The following MBP variants were observed in gnomAD, a reference collection of about 807,000 sequenced individuals.
MBP encodes myelin basic protein.
A neutral mutation model predicts 35.8 loss-of-function variants in MBP; 16 were observed. The ratio of observed to expected loss-of-function variants is 0.45; its 90% CI spans 0.30 to 0.68. The LOEUF (loss-of-function observed/expected upper bound fraction) is 0.68, where lower values mean the gene tolerates loss of function less well. MBP is among the 30% of genes least tolerant of loss of function. The pLI, the probability that MBP is intolerant of heterozygous loss-of-function variation, is 0.08. For synonymous variants in MBP, 143 were observed against 159.6 expected (o/e 0.90, Z 0.78); for missense variants, 380 against 404.7 (o/e 0.94, Z 0.52).
chr18:77,120,093 C>T (rs1347596579), intron 1 of MBP, among the ~76,000 whole-genome samples: 1 of 152,208 alleles, frequency 6.6e-6, no homozygotes, highest in African/African-American at 2.4e-5. Context: ...CCGTGCTCAG[C>T]CCACGAAGCA....
intron 3 of MBP, among the ~76,000 whole-genome samples, chr18:77,040,209 C>A (rs1258247925): frequency 6.6e-6 from 1 of 152,116 alleles, no homozygotes; most frequent in Non-Finnish European, 1.5e-5. Flanking sequence ...TGATCAAATA[C>A]AAGTTTGTTT....
intron 2 of MBP, among the ~76,000 whole-genome samples, chr18:77,074,710 A>G (rs953013219): frequency 1.3e-5 from 2 of 152,156 alleles, no homozygotes; most frequent in African/African-American, 4.8e-5. Flanking sequence ...TTCATGGGAA[A>G]TCGATTCCCA....
rs116704659 is a variant in MBP, at chr18:76,986,336, T to A, written c.751-1442A>T. 5,155 of 985,480 alleles carry A rather than the reference T, an allele frequency of 5.2e-3. 194 individuals carry two copies. The African/African-American group carries it at 0.084, about 16-fold the overall frequency. 61.0% of individuals were successfully genotyped at this position (985,480 alleles called of 1,614,324 possible). On this transcript the variant is annotated intron_variant, in intron 7 of 8. Transcript: ENST00000355994. Reference sequence around the variant, plus strand: ...CAGCCTTTCTTCCATTTCATTAAAGTGTTTTAGGACAGGGAGGACCTTGAC... The same window carrying A: ...CAGCCTTTCTTCCATTTCATTAAAGAGTTTTAGGACAGGGAGGACCTTGAC...
At chr18:77,067,865 C>T (rs780482644) in intron 2 of MBP, 1 of 510,176 alleles carries the variant, frequency 2.0e-6, no homozygotes, top group South Asian at 1.4e-5. Context: ...TTAAGACCAC[C>T]CTGAAGTCTG....
At chr18:77,097,084 G>A (rs927656709) in intron 2 of MBP, among the ~76,000 whole-genome samples, 1 of 152,216 alleles carries the variant, frequency 6.6e-6, no homozygotes, top group African/African-American at 2.4e-5. Context: ...CAGAGACCAG[G>A]CCTGTTCTGG....
intron 4 of MBP, chr18:77,006,496 A>C (rs993953414): frequency 2.0e-5 from 3 of 153,538 alleles, no homozygotes; most frequent in Non-Finnish European, 4.3e-5. Flanking sequence ...GCAGCACGGG[A>C]TGGACAGGCA....
At chr18:77,132,314 G>A (rs1395910612) in intron 1 of MBP, among the ~76,000 whole-genome samples, 4 of 152,194 alleles carry the variant, frequency 2.6e-5, no homozygotes, top group Non-Finnish European at 5.9e-5. Flanking sequence ...GGGGATCGGG[G>A]GCGGCGACTT....
At chr18:77,104,025 T>C (rs1467260567) in intron 2 of MBP, among the ~76,000 whole-genome samples, 1 of 152,256 alleles carries the variant, frequency 6.6e-6, no homozygotes, top group African/African-American at 2.4e-5. Context: ...ATTTTCCAAA[T>C]GTTCCCTGAC....
chr18:76,995,329 G>C (rs1413947616), intron 4 of MBP, among the ~76,000 whole-genome samples: 1 of 152,196 alleles, frequency 6.6e-6, no homozygotes, highest in African/African-American at 2.4e-5. Context: ...TTTAGCTAGA[G>C]ACAGGTGGAT....
intron 4 of MBP, chr18:77,004,151 A>C (rs1970782765): frequency 6.6e-6 from 1 of 152,158 alleles, no homozygotes; most frequent in South Asian, 2.1e-4. Context: ...CTGACTTCAT[A>C]ATGCTCTGGC....
Position 77,098,168 on chromosome 18 carries a change from C to CTTTTTTTT in MBP, c.51+7035_51+7042dup, listed in dbSNP as rs3214873. On this transcript the variant is annotated intron_variant, in intron 2 of 8. Coordinates refer to ENST00000355994, the MANE Select transcript of MBP (RefSeq NM_001025101.2). Reference sequence around the variant, plus strand: ...TTCTGAGGACAGACACAAGGACTTCCTTTTTTTTTTTTTTTTTTTTTACAA... The same window carrying CTTTTTTTT: ...TTCTGAGGACAGACACAAGGACTTCCTTTTTTTTTTTTTTTTTTTTTTTTTTTTTACAA... 2.3e-3 allele frequency among the ~76,000 whole-genome samples: 254 copies of CTTTTTTTT among 108,504 alleles called. 11 individuals are homozygous for CTTTTTTTT. The South Asian group carries it at 0.035, about 15-fold the overall frequency. 71.2% of individuals were successfully genotyped at this position (108,504 alleles called of 152,430 possible). A position where few individuals can be genotyped will look rare whatever the true frequency, so the allele number is the denominator to read the frequency against.
At chr18:77,071,657 T>C (rs1974455194) in intron 2 of MBP, among the ~76,000 whole-genome samples, 2 of 152,210 alleles carry the variant, frequency 1.3e-5, no homozygotes, top group Non-Finnish European at 2.9e-5. Context: ...TGTCTGGTTC[T>C]GCATCCTCAG....
At chr18:77,084,424 CACCACACCACACA>C (rs1467404930) in intron 2 of MBP, among the ~76,000 whole-genome samples, 2 of 35,576 alleles carry the variant, frequency 5.6e-5, no homozygotes, top group Non-Finnish European at 1.3e-4. Context: ...CCCCCCGCCA[CACCACACCACACA>C]CACACACACA....
chr18:77,097,977 C>T (rs1005862883), intron 2 of MBP, among the ~76,000 whole-genome samples: 1 of 152,044 alleles, frequency 6.6e-6, no homozygotes, highest in Non-Finnish European at 1.5e-5. Flanking sequence ...TGGGGAAGGA[C>T]ACCCCTGTCT....
chr18:77,096,038 C>A (rs549168182), intron 2 of MBP, among the ~76,000 whole-genome samples: 1 of 152,280 alleles, frequency 6.6e-6, no homozygotes, highest in South Asian at 2.1e-4. Context: ...ACAGAACTCA[C>A]TAAAGATGTT....
intron 2 of MBP, chr18:77,093,243 G>C (rs942129535): frequency 6.6e-6 from 1 of 152,266 alleles, no homozygotes; most frequent in Non-Finnish European, 1.5e-5. Flanking sequence ...AGGCTCATAC[G>C]GCGGTCCCAG....
At chr18:77,118,034 C>A (rs951614898) in intron 1 of MBP, among the ~76,000 whole-genome samples, 1 of 4,930 alleles carries the variant, frequency 2.0e-4, no homozygotes, top group Non-Finnish European at 3.8e-4. Context: ...TGGGTTGGGG[C>A]GGGATGGGGA....
At chr18:77,077,246 T>C (rs58452214) in intron 2 of MBP, among the ~76,000 whole-genome samples, 20,040 of 149,260 alleles carry the variant, frequency 0.13, 1,476 homozygotes, top group African/African-American at 0.2. Context: ...CCTGTAATCC[T>C]GGCTACTCGG....
intron 2 of MBP, among the ~76,000 whole-genome samples, chr18:77,098,898 G>A (rs1034490108): frequency 1.3e-5 from 2 of 152,042 alleles, no homozygotes; most frequent in African/African-American, 4.8e-5. Flanking sequence ...GCATTTATTA[G>A]CCTGACCCAC....
Sources: gnomAD v4.1 joint callset for allele counts (sites outside exome capture counted in the v4.1 genomes callset) on GRCh38, gnomAD v4.1.1 for gene constraint, MANE v1.5 for transcripts, NCBI Gene and HGNC (gene_info 2026-07-23, HGNC 2026-07-21) for gene names.